EPHA6: variants seen among roughly 807,000 people sequenced by gnomAD.
EPHA6 encodes the protein ephrin type-A receptor 6.
A neutral mutation model predicts 112.0 loss-of-function variants in EPHA6; 50 were observed. That is an observed-to-expected ratio of 0.45 (90% CI 0.36 to 0.56). The LOEUF is 0.56. Among genes scored for constraint, EPHA6 ranks in the 20% least tolerant of loss-of-function variants. The pLI is 0.00. For synonymous variants in EPHA6, 529 were observed against 490.7 expected (o/e 1.08, Z -1.03); for missense variants, 1,280 against 1,417.4 (o/e 0.90, Z 1.56).
chr3:97,667,485 G>T lies in EPHA6; in HGVS notation c.2784+29403G>T, dbSNP rs374920942. Among the ~76,000 whole-genome samples the T allele has an allele frequency of 2.0e-5, 3 of 152,154 alleles. No homozygotes were observed. In the East Asian group the frequency reaches 5.8e-4, roughly 29 times the overall value. ...TATTTTTACCATTCAGCATGGAAGGGTGTTTGGTTCCACATTAGGAATTTA... is the reference window on the plus strand; with the variant it reads ...TATTTTTACCATTCAGCATGGAAGGTTGTTTGGTTCCACATTAGGAATTTA... On this transcript the variant is annotated intron_variant, in intron 14 of 17. Coordinates refer to ENST00000389672, the MANE Select transcript of EPHA6 (RefSeq NM_001080448.3).
intron 1 of EPHA6, among the ~76,000 whole-genome samples, chr3:96,829,448 C>T (rs978741519): frequency 6.6e-6 from 1 of 152,082 alleles, no homozygotes; most frequent in Non-Finnish European, 1.5e-5. Context: ...TATGTGCTCT[C>T]CCTCACTACA....
intron 3 of EPHA6, among the ~76,000 whole-genome samples, chr3:97,142,457 A>C (rs1339827447): frequency 1.3e-5 from 2 of 151,936 alleles, no homozygotes; most frequent in Non-Finnish European, 2.9e-5. Flanking sequence ...AATAAGAGAG[A>C]TTTAAATAAG....
rs2035953756 is a variant in EPHA6, at chr3:97,753,679, G to T, written c.*4978G>T. Among the ~76,000 whole-genome samples, 1 of 152,026 alleles carries T rather than the reference G, an allele frequency of 6.6e-6. No individual in the cohort carries two copies. Among genetic ancestry groups the T allele is most frequent in the Non-Finnish European group, 1.5e-5 (1 of 68,004 alleles). ...TGTTCAAGCTTATTCACTTGTTCTA[G>T]TAAACATAATAATAGGTATGAACTG... On this transcript the variant is annotated 3_prime_UTR_variant, in exon 18 of 18. Transcript: ENST00000389672.
Position 97,708,740 on chromosome 3 carries a change from C to G in EPHA6, c.2785-11521C>G, listed in dbSNP as rs138774629. ...TTCATTGGCTGGGCCCAGGGCCCCA[C>G]TGCTCTGTACAGCCTGAGGACTTGG... On this transcript the variant is annotated intron_variant, in intron 14 of 17. Coordinates refer to ENST00000389672, the MANE Select transcript of EPHA6 (RefSeq NM_001080448.3). 1.9e-3 allele frequency among the ~76,000 whole-genome samples: 295 copies of G among 152,354 alleles called. 1 individual carries two copies. Among genetic ancestry groups the G allele is most frequent in the Middle Eastern group, 3.4e-3 (1 of 294 alleles).
chr3:97,645,658 A>G (rs982647601), intron 14 of EPHA6, among the ~76,000 whole-genome samples: 5 of 151,980 alleles, frequency 3.3e-5, no homozygotes, highest in Non-Finnish European at 7.3e-5. Context: ...TAAAACTTAA[A>G]GTATAATAAA....
chr3:97,671,739 T>C (rs1166147244), intron 14 of EPHA6, among the ~76,000 whole-genome samples: 4 of 152,164 alleles, frequency 2.6e-5, no homozygotes, highest in Non-Finnish European at 5.9e-5. Flanking sequence ...TGTTTGTTTG[T>C]TTAAGTGTTG....
intron 3 of EPHA6, among the ~76,000 whole-genome samples, chr3:97,006,918 T>C (rs1208823644): frequency 2.6e-5 from 4 of 152,190 alleles, no homozygotes; most frequent in African/African-American, 9.7e-5. Flanking sequence ...TGGTTTTGAG[T>C]GGGTTTCTTA....
chr3:97,640,485 G>A (rs2093991888), intron 14 of EPHA6, among the ~76,000 whole-genome samples: 3 of 152,088 alleles, frequency 2.0e-5, no homozygotes, highest in South Asian at 4.1e-4. Context: ...TATTATTGGG[G>A]CCGGGCACGG....
chr3:97,505,943 T>G (rs1037148457), intron 10 of EPHA6, among the ~76,000 whole-genome samples: 1 of 152,236 alleles, frequency 6.6e-6, no homozygotes, highest in South Asian at 2.1e-4. Context: ...CCAGTGGTGA[T>G]GAACTTTTTT....
At chr3:97,556,715 C>A (rs1376035256) in intron 11 of EPHA6, among the ~76,000 whole-genome samples, 1 of 151,942 alleles carries the variant, frequency 6.6e-6, no homozygotes, top group Non-Finnish European at 1.5e-5. Flanking sequence ...AGGTTCAAAG[C>A]AAATCCTGAG....
intron 12 of EPHA6, among the ~76,000 whole-genome samples, chr3:97,599,724 G>T (rs1326656709): frequency 6.6e-6 from 1 of 152,038 alleles, no homozygotes; most frequent in East Asian, 1.9e-4. Flanking sequence ...TTGTTCTTTT[G>T]GCTTAGGATT....
intron 1 of EPHA6, among the ~76,000 whole-genome samples, chr3:96,836,426 C>T (rs78526809): frequency 0.013 from 1,923 of 152,130 alleles, 36 homozygotes; most frequent in African/African-American, 0.042. Flanking sequence ...TGCTGATAAT[C>T]CTTGAAGGTT....
At chr3:97,275,603 G>T (rs2080046048) in intron 5 of EPHA6, among the ~76,000 whole-genome samples, 1 of 152,120 alleles carries the variant, frequency 6.6e-6, no homozygotes, top group South Asian at 2.1e-4. Flanking sequence ...AGGCTTGTCT[G>T]GTTCTAGGAC....
At position 96,918,659 on chromosome 3, in the gene EPHA6, T is replaced by C. The variant is rs1045986779; in HGVS notation, c.450+51770T>C. Reference sequence around the variant, plus strand: ...TTTATAGTTGGTTTTAATGTTATTTTATGGGAAAAATATGTATTTCAAACT... The same window carrying C: ...TTTATAGTTGGTTTTAATGTTATTTCATGGGAAAAATATGTATTTCAAACT... On this transcript the variant is annotated intron_variant, in intron 2 of 17. Coordinates refer to ENST00000389672, the MANE Select transcript of EPHA6 (RefSeq NM_001080448.3). Among the ~76,000 whole-genome samples the C allele has an allele frequency of 3.3e-5, 5 of 152,156 alleles. No individual in the cohort carries two copies. The East Asian group carries it at 7.7e-4, about 23-fold the overall frequency.
chr3:97,026,472 CT>C (rs1389087663), intron 3 of EPHA6, among the ~76,000 whole-genome samples: 2 of 152,052 alleles, frequency 1.3e-5, no homozygotes, highest in Admixed American at 1.3e-4. Flanking sequence ...GATCTTTCAC[CT>C]TTTGACTTAG....
chr3:96,881,917 T>C (rs2037336486), intron 2 of EPHA6, among the ~76,000 whole-genome samples: 1 of 152,192 alleles, frequency 6.6e-6, no homozygotes, highest in Non-Finnish European at 1.5e-5. Context: ...TTTGACTCCA[T>C]GTCTCACATC....
chr3:96,903,314 G>T (rs906882860), intron 2 of EPHA6, among the ~76,000 whole-genome samples: 1 of 152,042 alleles, frequency 6.6e-6, no homozygotes, highest in African/African-American at 2.4e-5. Flanking sequence ...ACAAAGAGGT[G>T]TCATTCTCCT....
At chr3:97,457,255 G>A (rs1286014510) in intron 7 of EPHA6, among the ~76,000 whole-genome samples, 1 of 152,212 alleles carries the variant, frequency 6.6e-6, no homozygotes, top group Non-Finnish European at 1.5e-5. Context: ...CTAGCTGGTT[G>A]TAGAGTATCA....
intron 11 of EPHA6, among the ~76,000 whole-genome samples, chr3:97,578,767 CATCATAA>C (rs2093411033): frequency 6.6e-6 from 1 of 152,104 alleles, no homozygotes; most frequent in South Asian, 2.1e-4. Context: ...ACTAGATATG[CATCATAA>C]ATTTAAAAAA....
Sources: gnomAD v4.1 joint callset for allele counts (sites outside exome capture counted in the v4.1 genomes callset) on GRCh38, gnomAD v4.1.1 for gene constraint, MANE v1.5 for transcripts, NCBI Gene and HGNC (gene_info 2026-07-23, HGNC 2026-07-21) for gene names.